The following CPED1 variants were observed in gnomAD, a reference collection of about 807,000 sequenced individuals.
CPED1 encodes the protein cadherin like and PC-esterase domain containing 1.
CPED1 carries 114 observed loss-of-function variants against 128.2 expected under a neutral mutation model. The ratio of observed to expected loss-of-function variants is 0.89; its 90% CI spans 0.76 to 1.04. CPED1 has a LOEUF of 1.04. CPED1 is among the 50% of genes least tolerant of loss of function. The probability of loss-of-function intolerance (pLI) is 0.00; values close to 1 mark genes in which losing one functional copy is unlikely to be tolerated. For synonymous variants in CPED1, 462 were observed against 426.7 expected (o/e 1.08, Z -1.02); for missense variants, 1,211 against 1,207.1 (o/e 1.00, Z -0.05).
At chr7:121,295,294 T>A in intron 22 of CPED1, 146 bp from the exon 23 acceptor site, 2 of 979,528 alleles carry the variant, frequency 2.0e-6, no homozygotes, top group Non-Finnish European at 2.9e-6. Flanking sequence ...ACATAAGTTA[T>A]AGCCATTCCT....
intron 16 of CPED1, among the ~76,000 whole-genome samples, chr7:121,192,232 C>T (rs570719436): frequency 6.3e-4 from 96 of 152,140 alleles, no homozygotes; most frequent in South Asian, 3.1e-3. Flanking sequence ...ATATAGAGTT[C>T]GGGTATCCCT....
At chr7:121,230,356 G>T (rs977529218) in intron 16 of CPED1, among the ~76,000 whole-genome samples, 1 of 152,026 alleles carries the variant, frequency 6.6e-6, no homozygotes, top group Non-Finnish European at 1.5e-5. Flanking sequence ...TGAGGTTATT[G>T]GGGATGGAAC....
Position 121,236,810 on chromosome 7 carries a change from T to A in CPED1, c.2152T>A (p.Cys718Ser), listed in dbSNP as rs1293171530. ...EAILQSELKR[C>S]PSGDMKGQWI... is the part of the protein sequence containing the mutation. Reference sequence around the variant, plus strand: ...CATTTTACAGTCTGAACTAAAAAGATGTCCATCTGGGGACATGAAAGGTGA... The same window carrying A: ...CATTTTACAGTCTGAACTAAAAAGAAGTCCATCTGGGGACATGAAAGGTGA... The change falls in exon 17 of 23, where the codon TGT becomes AGT. Residue 718 changes from cysteine (C) to serine (S), a missense_variant. By Grantham distance (112) the Cys-to-Ser change is moderately radical (BLOSUM62 -1). Transcript: ENST00000310396. 2.5e-6 allele frequency: 4 copies of A among 1,598,242 alleles called. No homozygotes were observed. The Admixed American group carries it at 6.9e-5, about 28-fold the overall frequency.
At chr7:121,085,088 C>T (rs763692148) in intron 5 of CPED1, among the ~76,000 whole-genome samples, 1 of 152,182 alleles carries the variant, frequency 6.6e-6, no homozygotes, top group Non-Finnish European at 1.5e-5. Context: ...CCGTTTACTC[C>T]ACTTCTGCTG....
chr7:121,024,476 C>T (rs1792519721), intron 3 of CPED1, among the ~76,000 whole-genome samples: 1 of 152,106 alleles, frequency 6.6e-6, no homozygotes, highest in Admixed American at 6.6e-5. Flanking sequence ...CCCTTCAAGC[C>T]TAGCTTCCTT....
chr7:121,007,456 G>A (rs1036175284), intron 2 of CPED1, among the ~76,000 whole-genome samples: 6 of 152,060 alleles, frequency 3.9e-5, no homozygotes. Context: ...AGATTTGATG[G>A]AAAGTCTTCT....
At chr7:121,000,832 C>G (rs1791832838) in intron 2 of CPED1, among the ~76,000 whole-genome samples, 1 of 152,140 alleles carries the variant, frequency 6.6e-6, no homozygotes, top group Non-Finnish European at 1.5e-5. Flanking sequence ...AGCTATAGGA[C>G]AACTGGTAAA....
At chr7:121,130,061 G>C (rs1795623589) in intron 11 of CPED1, 64 bp from the exon 12 acceptor site, 7 of 1,277,444 alleles carry the variant, frequency 5.5e-6, no homozygotes, top group African/African-American at 1.5e-5. Context: ...GTATAAGGCT[G>C]TTCATAGTAA....
At chr7:121,113,960 C>T (rs925895460) in intron 7 of CPED1, among the ~76,000 whole-genome samples, 2 of 152,024 alleles carry the variant, frequency 1.3e-5, no homozygotes, top group Non-Finnish European at 2.9e-5. Context: ...TCCTGAGTAG[C>T]CAGGACTATA....
At chr7:121,177,583 C>T (rs572247205) in intron 16 of CPED1, among the ~76,000 whole-genome samples, 1 of 151,998 alleles carries the variant, frequency 6.6e-6, no homozygotes, top group Admixed American at 6.6e-5. Context: ...CATATATTGC[C>T]CATATATTTA....
chr7:121,288,333 G>A (rs536562651), intron 22 of CPED1, among the ~76,000 whole-genome samples: 1 of 152,268 alleles, frequency 6.6e-6, no homozygotes, highest in South Asian at 2.1e-4. Flanking sequence ...GTGTTGTTGG[G>A]CCAGCCACTG....
At chr7:121,279,634 A>C (rs932483276) in intron 22 of CPED1, among the ~76,000 whole-genome samples, 1 of 152,176 alleles carries the variant, frequency 6.6e-6, no homozygotes, top group Non-Finnish European at 1.5e-5. Context: ...GAAAAAGATA[A>C]GGCTGAGACA....
chr7:121,044,109 T>G (rs1239359450), intron 3 of CPED1, among the ~76,000 whole-genome samples: 2 of 152,332 alleles, frequency 1.3e-5, no homozygotes, highest in Admixed American at 6.5e-5. Context: ...CTGCCCAGTT[T>G]CTACATTTCA....
chr7:121,063,381 G>GAAAAAAAAAAAAAAAAAAAAA lies in CPED1; in HGVS notation c.541-856_541-836dup, dbSNP rs368502123. On this transcript the variant is annotated intron_variant, in intron 4 of 22. Transcript: ENST00000310396. ...GCTTTATTTTGCAAATGAAGAAACT[G>GAAAAAAAAAAAAAAAAAAAAA]AAAAAAAAAAAAAAAAAAAAAGCAA... 3.1e-4 allele frequency among the ~76,000 whole-genome samples: 21 copies of GAAAAAAAAAAAAAAAAAAAAA among 67,028 alleles called. 1 individual carries two copies. Among genetic ancestry groups the GAAAAAAAAAAAAAAAAAAAAA allele is most frequent in the African/African-American group, 6.1e-4 (10 of 16,468 alleles). 44.0% of individuals were successfully genotyped at this position (67,028 alleles called of 152,430 possible).
At chr7:121,210,705 C>T (rs1188926252) in intron 16 of CPED1, among the ~76,000 whole-genome samples, 2 of 151,150 alleles carry the variant, frequency 1.3e-5, no homozygotes, top group Non-Finnish European at 3.0e-5. Flanking sequence ...TTGATGTATA[C>T]AAAAATGTAC....
intron 2 of CPED1, chr7:120,993,890 G>A: frequency 3.9e-6 from 1 of 254,744 alleles, no homozygotes; most frequent in South Asian, 3.3e-5. Context: ...TCCCTCTCAT[G>A]GTATTTGCAG....
chr7:121,047,701 T>TCCTTCTCCTTCTCCTTCCTCTTCC (rs1793244556), intron 4 of CPED1, among the ~76,000 whole-genome samples: 1 of 37,742 alleles, frequency 2.6e-5, no homozygotes, highest in African/African-American at 8.8e-5. Flanking sequence ...CTTCTTCTTC[T>TCCTTCTCCTTCTCCTTCCTCTTCC]TCTTCTTCTT....
At chr7:121,146,327 T>C (rs1796024178) in intron 16 of CPED1, among the ~76,000 whole-genome samples, 1 of 152,152 alleles carries the variant, frequency 6.6e-6, no homozygotes, top group Non-Finnish European at 1.5e-5. Flanking sequence ...CTCATCCATT[T>C]ATGAGAGTGG....
chr7:121,210,354 C>T (rs1797615460), intron 16 of CPED1, among the ~76,000 whole-genome samples: 1 of 152,016 alleles, frequency 6.6e-6, no homozygotes, highest in African/African-American at 2.4e-5. Context: ...GAGATAGCTG[C>T]ACTCCCGTGT....
Sources: allele counts gnomAD v4.1 joint callset (sites outside exome capture counted in the v4.1 genomes callset), GRCh38; gene constraint gnomAD v4.1.1; transcripts MANE v1.5; gene names NCBI Gene and HGNC (gene_info 2026-07-23, HGNC 2026-07-21).